Variants in ANKRD26 observed in about 807,000 individuals in gnomAD.
The protein encoded by ANKRD26 is ankyrin repeat domain-containing protein 26.
A neutral mutation model predicts 208.7 loss-of-function variants in ANKRD26; 141 were observed. The observed-to-expected ratio is 0.68, with a 90% confidence interval of 0.59 to 0.78. The LOEUF (loss-of-function observed/expected upper bound fraction) is 0.78. Among genes scored for constraint, ANKRD26 ranks in the 30% least tolerant of loss-of-function variants. ANKRD26 has a pLI of 0.00. For missense variants in ANKRD26, 1,889 were observed against 1,938.7 expected (o/e 0.97, Z 0.48); for synonymous variants, 636 against 660.4 (o/e 0.96, Z 0.57).
intron 20 of ANKRD26, among the ~76,000 whole-genome samples, chr10:27,041,734 GA>G (rs2054246199): frequency 6.6e-6 from 1 of 151,624 alleles, no homozygotes; most frequent in South Asian, 2.1e-4. Flanking sequence ...ATGAACTACG[GA>G]AAAAAATCCA....
At chr10:27,075,455 G>C (rs1449753421) in intron 9 of ANKRD26, among the ~76,000 whole-genome samples, 4 of 152,092 alleles carry the variant, frequency 2.6e-5, no homozygotes, top group African/African-American at 4.8e-5. Context: ...TCCTATATCA[G>C]ATAAAACAGA....
Position 27,006,951 on chromosome 10 carries a change from C to T in ANKRD26, c.4965G>A (p.Glu1655=), listed in dbSNP as rs770213821. The change falls in exon 33 of 34, where the codon GAG becomes GAA. Residue 1655 remains glutamate, a synonymous_variant. Transcript: ENST00000376087. ...MENYLSKMQQ[E]LEKNITRELK... ...GTTCTCTAGTTATATTTTTTTCCAA[C>T]TCCTGCTGCATCTGAAAAAAGTCAA... 11 of 1,609,782 alleles carry T rather than the reference C, an allele frequency of 6.8e-6. No individual in the cohort carries two copies. The Admixed American group carries it at 1.2e-4, about 17-fold the overall frequency.
At chr10:27,064,209 T>A (rs1386856468) in intron 11 of ANKRD26, 128 bp from the exon 12 acceptor site, 3 of 754,756 alleles carry the variant, frequency 4.0e-6, no homozygotes, top group Non-Finnish European at 6.4e-6. Context: ...AAAAATAAGA[T>A]AAGCATGTAT....
downstream of ANKRD26, among the ~76,000 whole-genome samples, chr10:26,968,902 C>A (rs2134578258): frequency 6.6e-6 from 1 of 152,244 alleles, no homozygotes; most frequent in South Asian, 2.1e-4. Context: ...AGGTTGAGAA[C>A]AAGATAGGTC....
In ANKRD26 at chr10:27,004,887, ATTGCAAGG is replaced by A; in HGVS notation, c.*695_*702del. The A allele has an allele frequency of 3.8e-6, 1 of 264,834 alleles. No individual in the cohort carries two copies. Among genetic ancestry groups the A allele is most frequent in the Non-Finnish European group, 5.8e-6 (1 of 171,308 alleles). The allele number at this position is 264,834 out of a possible 1,614,324, so 16.4% of individuals were successfully genotyped here. ...AGAATGTATTAATGTTGACTTTCTG[ATTGCAAGG>A]TTTGCACTGTAGTTATGTAGAATGT... On this transcript the variant is annotated 3_prime_UTR_variant, in exon 34 of 34. Transcript: ENST00000376087.
chr10:27,042,798 C>CAAAAAAAAAAAAAAAAA (rs60850386), intron 20 of ANKRD26, among the ~76,000 whole-genome samples: 1 of 48,944 alleles, frequency 2.0e-5, no homozygotes, highest in East Asian at 4.7e-4. Context: ...CAAAAAAATA[C>CAAAAAAAAAAAAAAAAA]AAAAAAAAAA....
chr10:27,059,007 C>T (rs868342955), intron 15 of ANKRD26, among the ~76,000 whole-genome samples: 83 of 151,948 alleles, frequency 5.5e-4, no homozygotes, highest in African/African-American at 1.9e-3. Flanking sequence ...CTCCACCTCC[C>T]GGGTTCATGC....
chr10:26,970,480 T>C (rs745315999), downstream of ANKRD26, among the ~76,000 whole-genome samples: 7 of 152,174 alleles, frequency 4.6e-5, no homozygotes, highest in Non-Finnish European at 1.0e-4. Context: ...TCAATACTGC[T>C]TTCCCCATGT....
intron 9 of ANKRD26, among the ~76,000 whole-genome samples, chr10:27,075,628 A>G (rs1478529397): frequency 1.3e-5 from 2 of 152,192 alleles, no homozygotes; most frequent in East Asian, 3.8e-4. Context: ...AACCTAAGAA[A>G]AGAGATAGCC....
chr10:26,997,806 T>C (rs1288428826), intron 4 of ANKRD26, among the ~76,000 whole-genome samples: 1 of 152,200 alleles, frequency 6.6e-6, no homozygotes, highest in African/African-American at 2.4e-5. Flanking sequence ...GTTTGCTTGA[T>C]GCACTGCTTC....
At position 27,037,942 on chromosome 10, in the gene ANKRD26, T is replaced by C; in HGVS notation, c.2488A>G (p.Lys830Glu). ...EEQYRKEVEV[K>E]QQLELSLQTL... The stretch of plus-strand genomic sequence containing the variant: ...TGGAGACTCAGTTCAAGCTGTTGTT[T>C]CACTTCAACTTCTTTCCTATATTGC... The change falls in exon 22 of 34, where the codon AAA (lysine) becomes GAA (glutamate). Residue 830 changes from lysine to glutamate, a missense_variant. By Grantham distance (56) the Lys-to-Glu change is moderately conservative. Around this residue, in one of 3 missense-constraint regions of ANKRD26, gnomAD observed 1,272 missense variants for 1,273.8 expected, o/e 1.00. Coordinates refer to ENST00000376087, the MANE Select transcript of ANKRD26 (RefSeq NM_014915.3). The C allele has an allele frequency of 6.2e-7, 1 of 1,613,510 alleles. No homozygotes were observed. Among genetic ancestry groups the C allele is most frequent in the Non-Finnish European group, 8.5e-7 (1 of 1,179,784 alleles).
chr10:27,078,676 A>T (rs1480370016), intron 7 of ANKRD26, among the ~76,000 whole-genome samples: 1 of 152,124 alleles, frequency 6.6e-6, no homozygotes, highest in Non-Finnish European at 1.5e-5. Context: ...ATCATCTACT[A>T]CTACCTGAAA....
chr10:27,085,531 T>C (rs759192532), intron 5 of ANKRD26, among the ~76,000 whole-genome samples: 1 of 152,244 alleles, frequency 6.6e-6, no homozygotes, highest in Non-Finnish European at 1.5e-5. Flanking sequence ...CAACAAGGAA[T>C]TGTTTTTCTG....
chr10:27,053,505 T>C (rs1022454784), intron 15 of ANKRD26, 115 bp from the exon 16 acceptor site: 4 of 761,168 alleles, frequency 5.3e-6, no homozygotes, highest in Non-Finnish European at 6.0e-6. Context: ...CGAGAGGGTT[T>C]TCTTCTATTT....
In ANKRD26 at chr10:27,044,192, TAA is replaced by T. The variant is rs113123391; in HGVS notation, c.1986-4_1986-3del. 1.6e-3 allele frequency: 1,931 copies of T among 1,182,288 alleles called. No individual in the cohort carries two copies. Among genetic ancestry groups the T allele is most frequent in the East Asian group, 6.8e-3 (232 of 33,890 alleles). 73.2% of individuals were successfully genotyped at this position (1,182,288 alleles called of 1,614,324 possible). A position where few individuals can be genotyped will look rare whatever the true frequency, so the allele number is the denominator to read the frequency against. Reference sequence around the variant, plus strand: ...TCATTAGATGTTTTCTTAGTAGGCCTAAAAAAAAAAAATACCTTTCAGGCAAA... The same window carrying T: ...TCATTAGATGTTTTCTTAGTAGGCCTAAAAAAAAAATACCTTTCAGGCAAA... On this transcript the variant is annotated splice_region_variant and splice_polypyrimidine_tract_variant and intron_variant, in intron 18 of 33. Transcript: ENST00000376087.
rs886046944 is a variant in ANKRD26 at position 27,013,027 on chromosome 10, G to C, written c.4808C>G (p.Thr1603Ser). The C allele has an allele frequency of 1.9e-6, 3 of 1,614,068 alleles. No homozygotes were observed. Among genetic ancestry groups the C allele is most frequent in the South Asian group, 2.2e-5 (2 of 91,086 alleles). ...ACAAGGTGGCTCCATGACTGGCCTG[G>C]TAGTGAGAGTGGTGAACAAAGATCT... ...QSRSLFTTLT[T>S]RPVMEPPCVG... The change falls in exon 32 of 34, where the codon ACC becomes AGC. Residue 1603 changes from threonine to serine, a missense_variant. By Grantham distance (58) the Thr-to-Ser change is moderately conservative (BLOSUM62 1). Transcript: ENST00000376087.
chr10:26,987,100 A>G (rs2052402398), downstream of ANKRD26, among the ~76,000 whole-genome samples: 1 of 152,242 alleles, frequency 6.6e-6, no homozygotes. Flanking sequence ...CTATGCAGCC[A>G]TAAAAAATGA....
At chr10:26,951,145 C>T in the ANKRD26 span, among the ~76,000 whole-genome samples, 82 of 151,174 alleles carry the variant, frequency 5.4e-4, no homozygotes, top group African/African-American at 2.0e-3. Flanking sequence ...ACATGCTTTG[C>T]TCTCTGTATA....
intron 30 of ANKRD26, 84 bp downstream of exon 30, chr10:27,017,414 AAGGG>A: frequency 1.4e-6 from 2 of 1,382,500 alleles, no homozygotes; most frequent in Non-Finnish European, 2.0e-6. Flanking sequence ...AAATTGCTAT[AAGGG>A]ATGTAGAGGA....
Sources: allele counts gnomAD v4.1 joint callset (sites outside exome capture counted in the v4.1 genomes callset), GRCh38; gene constraint gnomAD v4.1.1; regional missense constraint gnomAD v4.1.1; transcripts MANE v1.5; gene names NCBI Gene and HGNC (gene_info 2026-07-23, HGNC 2026-07-21).